Variants in CRPPA observed in about 807,000 individuals in gnomAD.
CRPPA encodes D-ribitol-5-phosphate cytidylyltransferase.
A neutral mutation model predicts 52.0 loss-of-function variants in CRPPA; 43 were observed. The ratio of observed to expected loss-of-function variants is 0.83; its 90% CI spans 0.65 to 1.07. The LOEUF is 1.07. CRPPA is among the 50% of genes least tolerant of loss of function. The pLI, the probability that CRPPA is intolerant of heterozygous loss-of-function variation, is 0.00. For synonymous variants in CRPPA, 250 were observed against 203.5 expected, an observed-to-expected ratio of 1.23 and a Z score of -1.94; for missense variants, 629 against 551.7, an observed-to-expected ratio of 1.14 and a Z score of -1.40.
intron 8 of CRPPA, among the ~76,000 whole-genome samples, chr7:16,243,908 A>G (rs766132324): frequency 3.3e-5 from 5 of 152,202 alleles, no homozygotes; most frequent in Non-Finnish European, 5.9e-5. Flanking sequence ...TGGAGGCTTC[A>G]TTGAGCTATG....
At chr7:16,294,056 C>G (rs1291672069) in intron 5 of CRPPA, among the ~76,000 whole-genome samples, 1 of 151,960 alleles carries the variant, frequency 6.6e-6, no homozygotes, top group Non-Finnish European at 1.5e-5. Flanking sequence ...CTGGTGTTCT[C>G]TACTCATCAG....
intron 3 of CRPPA, 52 bp from the exon 4 acceptor site, chr7:16,308,679 A>G: frequency 9.4e-7 from 1 of 1,068,164 alleles, no homozygotes; most frequent in Non-Finnish European, 1.4e-6. Flanking sequence ...GATTTTAAGT[A>G]AAACCAAGCC....
At chr7:16,285,997 G>C (rs1183073486) in intron 5 of CRPPA, among the ~76,000 whole-genome samples, 1 of 100,944 alleles carries the variant, frequency 9.9e-6, no homozygotes, top group Non-Finnish European at 1.9e-5. Context: ...TCCAGCTTAG[G>C]CAGTAAGAGT....
At chr7:16,164,256 G>A (rs1375027318) in intron 9 of CRPPA, among the ~76,000 whole-genome samples, 1 of 152,034 alleles carries the variant, frequency 6.6e-6, no homozygotes, top group African/African-American at 2.4e-5. Flanking sequence ...ATTTCATTAA[G>A]TTGATCTTCA....
chr7:16,301,286 A>C, intron 5 of CRPPA, 135 bp downstream of exon 5: 1 of 652,046 alleles, frequency 1.5e-6, no homozygotes, highest in Non-Finnish European at 2.7e-6. Context: ...AATTATTTTC[A>C]AAAAACAAAT....
intron 9 of CRPPA, among the ~76,000 whole-genome samples, chr7:16,178,968 T>A (rs1463557716): frequency 2.0e-5 from 3 of 152,060 alleles, no homozygotes; most frequent in Admixed American, 1.3e-4. Flanking sequence ...CATGGAGAGA[T>A]AAAGAAATAG....
chr7:16,328,617 C>A (rs1417342421), intron 3 of CRPPA, among the ~76,000 whole-genome samples: 1 of 152,036 alleles, frequency 6.6e-6, no homozygotes, highest in Admixed American at 6.5e-5. Context: ...CAGGTTCAAG[C>A]GATTCTCCTG....
At chr7:16,131,539 T>C (rs1189356171) in intron 9 of CRPPA, among the ~76,000 whole-genome samples, 4 of 152,226 alleles carry the variant, frequency 2.6e-5, no homozygotes, top group African/African-American at 9.6e-5. Flanking sequence ...GCTAGCACAT[T>C]TTGACAGCCA....
At chr7:16,191,220 G>A (rs1329445966) in intron 9 of CRPPA, among the ~76,000 whole-genome samples, 1 of 152,040 alleles carries the variant, frequency 6.6e-6, no homozygotes, top group African/African-American at 2.4e-5. Context: ...TACTCTCATA[G>A]TGTAAAGCAG....
intron 3 of CRPPA, among the ~76,000 whole-genome samples, chr7:16,345,839 T>G (rs1425354832): frequency 6.6e-6 from 1 of 152,180 alleles, no homozygotes; most frequent in Non-Finnish European, 1.5e-5. Flanking sequence ...CTGCTACAAC[T>G]AGAACATTTG....
intron 9 of CRPPA, among the ~76,000 whole-genome samples, chr7:16,100,069 T>TG (rs947352006): frequency 1.4e-4 from 21 of 152,190 alleles, no homozygotes; most frequent in African/African-American, 5.1e-4. Context: ...CAGCTACTCC[T>TG]GTTAGCTTTC....
intron 3 of CRPPA, among the ~76,000 whole-genome samples, chr7:16,349,883 T>C (rs529494960): frequency 7.3e-5 from 11 of 151,668 alleles, no homozygotes; most frequent in East Asian, 1.9e-4. Context: ...GAAAAGGAGA[T>C]AGAAATCCAG....
At chr7:16,251,051 G>GA (rs1783435245) in intron 8 of CRPPA, among the ~76,000 whole-genome samples, 1 of 148,638 alleles carries the variant, frequency 6.7e-6, no homozygotes, top group Non-Finnish European at 1.5e-5. Flanking sequence ...AAAATGGAAA[G>GA]CAAAAAAAAA....
intron 4 of CRPPA, among the ~76,000 whole-genome samples, chr7:16,303,142 A>G (rs1246174496): frequency 7.9e-5 from 12 of 152,318 alleles, no homozygotes; most frequent in Admixed American, 7.8e-4. Flanking sequence ...TAGAAATACT[A>G]TAGCATTTCA....
intron 2 of CRPPA, among the ~76,000 whole-genome samples, chr7:16,394,304 G>A (rs1236184038): frequency 6.6e-6 from 1 of 152,156 alleles, no homozygotes; most frequent in Non-Finnish European, 1.5e-5. Context: ...CTATAGCTGA[G>A]TAGACTTATA....
At chr7:16,194,724 G>C (rs1235414295) in intron 9 of CRPPA, among the ~76,000 whole-genome samples, 1 of 152,058 alleles carries the variant, frequency 6.6e-6, no homozygotes, top group African/African-American at 2.4e-5. Context: ...CAAGATGGAA[G>C]GTAATGAAGA....
intron 2 of CRPPA, among the ~76,000 whole-genome samples, chr7:16,399,634 C>T (rs547769302): frequency 5.3e-5 from 8 of 152,028 alleles, no homozygotes; most frequent in Admixed American, 6.5e-5. Context: ...CCGATCGACA[C>T]ATGATCGACA....
chr7:16,296,914 A>G (rs1014450730), intron 5 of CRPPA, among the ~76,000 whole-genome samples: 1 of 152,172 alleles, frequency 6.6e-6, no homozygotes, highest in African/African-American at 2.4e-5. Context: ...TGTCTTACTT[A>G]TAGGATTATT....
At chr7:16,399,691 G>C (rs1161847402) in intron 2 of CRPPA, among the ~76,000 whole-genome samples, 1 of 152,012 alleles carries the variant, frequency 6.6e-6, no homozygotes, top group Admixed American at 6.5e-5. Context: ...AGTGACACGT[G>C]AGCAACACGT....
Sources: gnomAD v4.1 joint callset for allele counts (sites outside exome capture counted in the v4.1 genomes callset) on GRCh38, gnomAD v4.1.1 for gene constraint, MANE v1.5 for transcripts, NCBI Gene and HGNC (gene_info 2026-07-23, HGNC 2026-07-21) for gene names.